The following MPDZ variants were observed in gnomAD, a reference collection of about 807,000 sequenced individuals.
MPDZ encodes the protein multiple PDZ domain crumbs cell polarity complex component, also known as multiple PDZ domain protein.
A neutral mutation model predicts 239.1 loss-of-function variants in MPDZ; 234 were observed. The observed-to-expected ratio is 0.98, with a 90% CI of 0.88 to 1.09. The LOEUF (loss-of-function observed/expected upper bound fraction) is 1.09, where lower values mean the gene tolerates loss of function less well. Ranked by LOEUF, MPDZ falls within the 50% of genes least tolerant of loss-of-function variation. MPDZ has a pLI of 0.00. For missense variants in MPDZ, 3,175 were observed against 2,510.0 expected, an observed-to-expected ratio of 1.26 and a Z score of -5.66; for synonymous variants, 1,048 against 881.3, an observed-to-expected ratio of 1.19 and a Z score of -3.35.
At chr9:13,262,637 T>A in intron 1 of MPDZ, among the ~76,000 whole-genome samples, 1 of 149,618 alleles carries the variant, frequency 6.7e-6, no homozygotes, top group African/African-American at 2.5e-5. Context: ...CAAAAAATAC[T>A]CTAGCAATCT....
At position 13,126,512 on chromosome 9, in the gene MPDZ, T is replaced by C. The variant is rs1327156117; in HGVS notation, c.4632+4A>G. ...TTACCATTTACTTTATTTTGGAAAA[T>C]TACCTTTTCAATAGGGTAACCAACA... On this transcript the variant is annotated splice_donor_region_variant and intron_variant, in intron 34 of 46. Transcript: ENST00000319217. 6.4e-7 allele frequency: 1 copy of C among 1,552,822 alleles called. No homozygotes were observed. The highest frequency in any genetic ancestry group is 8.7e-7 in the Non-Finnish European group (1 of 1,146,914).
chr9:13,163,009 A>T (rs957698266), intron 22 of MPDZ, among the ~76,000 whole-genome samples: 8 of 152,184 alleles, frequency 5.3e-5, no homozygotes, highest in African/African-American at 1.9e-4. Flanking sequence ...AAGTTTTTAA[A>T]TGCTGCTGAT....
chr9:13,155,088 G>T (rs1426004181), intron 24 of MPDZ, among the ~76,000 whole-genome samples: 1 of 149,866 alleles, frequency 6.7e-6, no homozygotes, highest in African/African-American at 2.5e-5. Context: ...ATGGTGGTGC[G>T]CACCTGTAGT....
chr9:13,278,931 T>G (rs1344647093), intron 1 of MPDZ: 1 of 152,180 alleles, frequency 6.6e-6, no homozygotes, highest in Non-Finnish European at 1.5e-5. Context: ...CCTGGAGGCC[T>G]GGTCTGCGCT....
At chr9:13,219,860 A>C (rs985700979) in intron 7 of MPDZ, 92 bp from the exon 8 acceptor site, 16 of 1,220,610 alleles carry the variant, frequency 1.3e-5, no homozygotes, top group Admixed American at 2.1e-5. Flanking sequence ...TAGAAAAGCA[A>C]TAATATGAGT....
chr9:13,196,286 A>G, intron 12 of MPDZ, 56 bp from the exon 13 acceptor site: 2 of 1,225,110 alleles, frequency 1.6e-6, no homozygotes, highest in Non-Finnish European at 1.2e-6. Context: ...TCCACATCTT[A>G]ACATCCTGTA....
chr9:13,193,995 G>A lies in MPDZ; in HGVS notation c.1657-682C>T, dbSNP rs1334124658. ...ACGTGCAGAAGTCAGTTTCAGAAGC[G>A]ATATCACCTGACTTTGAAATCTAAT... On this transcript the variant is annotated intron_variant, in intron 13 of 46. Coordinates refer to ENST00000319217, the MANE Select transcript of MPDZ (RefSeq NM_001378778.1). Among the ~76,000 whole-genome samples the A allele has an allele frequency of 2.0e-5, 3 of 152,056 alleles. No individual in the cohort carries two copies. The East Asian group carries it at 5.8e-4, about 29-fold the overall frequency.
In MPDZ at chr9:13,196,197, A is replaced by C. The variant is rs1039381255; in HGVS notation, c.1580T>G (p.Ile527Arg). Residue 527 changes from isoleucine (I) to arginine (R), a missense_variant, in exon 13 of 47, where the codon ATA (isoleucine) becomes AGA (arginine). Physicochemically the swap from Ile to Arg is moderately conservative, Grantham distance 97. Transcript: ENST00000319217. ...YPLLSAEIEEIEDAQKQEAAL... is the reference protein window; with the variant it reads ...YPLLSAEIEEREDAQKQEAAL... ...AGCTTCTTGTTTTTGTGCATCTTCT[A>C]TTTCTTCTATCTCAGCTGACAGTAA... is the stretch of plus-strand genomic sequence containing the variant. 2 of 1,598,642 alleles carry C rather than the reference A, an allele frequency of 1.3e-6. No homozygotes were observed. Among genetic ancestry groups the C allele is most frequent in the East Asian group, 4.5e-5 (2 of 44,492 alleles).
At chr9:13,177,816 C>T (rs937974625) in intron 19 of MPDZ, among the ~76,000 whole-genome samples, 3 of 152,074 alleles carry the variant, frequency 2.0e-5, no homozygotes, top group Non-Finnish European at 4.4e-5. Context: ...GTATTCATAT[C>T]CACAAAGTAC....
At chr9:13,236,907 AT>A (rs1362774580) in intron 3 of MPDZ, among the ~76,000 whole-genome samples, 1 of 151,680 alleles carries the variant, frequency 6.6e-6, no homozygotes, top group African/African-American at 2.4e-5. Context: ...ATAATGGGTT[AT>A]TTTTTCAAAT....
In MPDZ at chr9:13,115,925, C is replaced by A. The variant is rs748124476; in HGVS notation, c.5380-591G>T. Among the ~76,000 whole-genome samples the A allele has an allele frequency of 5.7e-5, 7 of 121,950 alleles. 1 individual carries two copies. Among genetic ancestry groups the A allele is most frequent in the Non-Finnish European group, 9.4e-5 (6 of 63,546 alleles). 80.0% of individuals were successfully genotyped at this position (121,950 alleles called of 152,430 possible). Reference sequence around the variant, plus strand: ...ATGCCACTGCACTCCACCTGGGTGACAGAGCGAGACTTGAGACTCCACCTC... The same window carrying A: ...ATGCCACTGCACTCCACCTGGGTGAAAGAGCGAGACTTGAGACTCCACCTC... On this transcript the variant is annotated intron_variant, in intron 39 of 46. Coordinates refer to ENST00000319217, the MANE Select transcript of MPDZ (RefSeq NM_001378778.1).
chr9:13,268,255 G>C (rs1168617887), intron 1 of MPDZ, among the ~76,000 whole-genome samples: 2 of 151,878 alleles, frequency 1.3e-5, no homozygotes, highest in Non-Finnish European at 2.9e-5. Flanking sequence ...CAAGTATTAA[G>C]TGAGCACTTA....
At chr9:13,263,890 G>A (rs1004009850) in intron 1 of MPDZ, among the ~76,000 whole-genome samples, 49 of 152,080 alleles carry the variant, frequency 3.2e-4, no homozygotes, top group African/African-American at 1.2e-3. Context: ...AAAATGAACA[G>A]TTAGTCACAC....
At chr9:13,275,830 G>T (rs1232185899) in intron 1 of MPDZ, among the ~76,000 whole-genome samples, 1 of 152,018 alleles carries the variant, frequency 6.6e-6, no homozygotes, top group African/African-American at 2.4e-5. Context: ...TATACAAATT[G>T]AATATGCTCT....
intron 1 of MPDZ, among the ~76,000 whole-genome samples, chr9:13,272,699 C>T (rs1398553584): frequency 2.4e-5 from 2 of 84,616 alleles, no homozygotes; most frequent in East Asian, 3.1e-4. Context: ...TCTGTTCCTA[C>T]TAAAAAAAAA....
chr9:13,242,607 C>CA lies in MPDZ; in HGVS notation c.183+5027dup, dbSNP rs879932138. 2.0e-3 allele frequency among the ~76,000 whole-genome samples: 289 copies of CA among 144,706 alleles called. 1 individual carries two copies. The Middle Eastern group carries it at 0.035, about 18-fold the overall frequency. 94.9% of individuals were successfully genotyped at this position (144,706 alleles called of 152,430 possible). A position where few individuals can be genotyped will look rare whatever the true frequency, so the allele number is the denominator to read the frequency against. On this transcript the variant is annotated intron_variant, in intron 3 of 46. Transcript: ENST00000319217. ...TAGAAGACAAAGTTAATACAATATCCAAAAAAAAAAATGCAAAAGAACAAA... is the reference window on the plus strand; with the variant it reads ...TAGAAGACAAAGTTAATACAATATCCAAAAAAAAAAAATGCAAAAGAACAAA...
chr9:13,240,571 T>A (rs951989367), intron 3 of MPDZ, among the ~76,000 whole-genome samples: 1 of 10,356 alleles, frequency 9.7e-5, no homozygotes, highest in African/African-American at 2.7e-4. Flanking sequence ...CAGTGTAACA[T>A]AATAAAAGTA....
chr9:13,163,020 T>TAA (rs1395028349), intron 22 of MPDZ, among the ~76,000 whole-genome samples: 1 of 152,168 alleles, frequency 6.6e-6, no homozygotes, highest in Non-Finnish European at 1.5e-5. Flanking sequence ...TGCTGCTGAT[T>TAA]AACTATGTGT....
intron 3 of MPDZ, among the ~76,000 whole-genome samples, chr9:13,236,780 T>C (rs1299826798): frequency 1.3e-5 from 2 of 152,150 alleles, no homozygotes; most frequent in African/African-American, 2.4e-5. Context: ...CTTTTCATTA[T>C]TGTTATCAAA....
Sources: gnomAD v4.1 joint callset for allele counts (sites outside exome capture counted in the v4.1 genomes callset) on GRCh38, gnomAD v4.1.1 for gene constraint, MANE v1.5 for transcripts, NCBI Gene and HGNC (gene_info 2026-07-23, HGNC 2026-07-21) for gene names.